SEL1L2: variants seen among roughly 807,000 people sequenced by gnomAD.
The protein encoded by SEL1L2 is protein sel-1 homolog 2.
A neutral mutation model predicts 98.8 loss-of-function variants in SEL1L2; 89 were observed. That is an observed-to-expected ratio of 0.90 (90% confidence interval 0.76 to 1.07). The LOEUF (loss-of-function observed/expected upper bound fraction) is 1.07, where lower values mean the gene tolerates loss of function less well. SEL1L2 is among the 50% of genes least tolerant of loss of function. The pLI is 0.00. For synonymous variants in SEL1L2, 262 were observed against 278.5 expected (o/e 0.94, Z 0.59); for missense variants, 788 against 812.0 (o/e 0.97, Z 0.36).
chr20:13,976,919 G>A (rs916536595), intron 1 of SEL1L2, among the ~76,000 whole-genome samples: 9 of 152,134 alleles, frequency 5.9e-5, no homozygotes, highest in Admixed American at 3.3e-4. Flanking sequence ...AAGATGACCC[G>A]GGAGAAGCAA....
At chr20:13,935,112 C>A (rs2049390045) in intron 2 of SEL1L2, among the ~76,000 whole-genome samples, 1 of 152,210 alleles carries the variant, frequency 6.6e-6, no homozygotes, top group Admixed American at 6.5e-5. Flanking sequence ...TTACAGAGGT[C>A]AGTGTTTCTT....
At chr20:13,966,465 C>T (rs1421639064) in intron 1 of SEL1L2, among the ~76,000 whole-genome samples, 1 of 152,006 alleles carries the variant, frequency 6.6e-6, no homozygotes, top group Non-Finnish European at 1.5e-5. Context: ...ATTACAGGCG[C>T]CCATTACCAC....
chr20:13,917,404 A>G (rs923382659), intron 4 of SEL1L2, among the ~76,000 whole-genome samples: 2 of 152,278 alleles, frequency 1.3e-5, no homozygotes, highest in African/African-American at 4.8e-5. Flanking sequence ...AGGAAGTATT[A>G]CATCATCTTT....
At chr20:13,969,555 C>T (rs1482163877) in intron 1 of SEL1L2, among the ~76,000 whole-genome samples, 1 of 152,146 alleles carries the variant, frequency 6.6e-6, no homozygotes, top group Non-Finnish European at 1.5e-5. Flanking sequence ...CAATTTAAGC[C>T]TTTGAATAAT....
In SEL1L2 at chr20:13,894,832, T is replaced by C. The variant is rs147185311; in HGVS notation, c.550-6320A>G. ...ATCTGAACGATTTGTAACTAGTTAGTAGATTGAATCAGTAATCAGAAACCT... is the reference window on the plus strand; with the variant it reads ...ATCTGAACGATTTGTAACTAGTTAGCAGATTGAATCAGTAATCAGAAACCT... On this transcript the variant is annotated intron_variant, in intron 5 of 19. Transcript: ENST00000284951. Among the ~76,000 whole-genome samples the C allele has an allele frequency of 1.6e-4, 24 of 152,314 alleles. No homozygotes were observed. The East Asian group carries it at 4.2e-3, about 27-fold the overall frequency.
chr20:13,883,962 G>T (rs770258990), intron 10 of SEL1L2, among the ~76,000 whole-genome samples: 4 of 152,146 alleles, frequency 2.6e-5, no homozygotes, highest in Non-Finnish European at 1.5e-5. Context: ...CTAGAACTTT[G>T]GTTATGATTA....
At chr20:13,934,197 C>T (rs1292881774) in intron 2 of SEL1L2, among the ~76,000 whole-genome samples, 1 of 148,292 alleles carries the variant, frequency 6.7e-6, no homozygotes, top group Non-Finnish European at 1.5e-5. Context: ...TTAGCTCCCA[C>T]TTATAAGTGA....
chr20:13,866,763 T>A lies in SEL1L2; in HGVS notation c.1343A>T (p.Tyr448Phe). Residue 448 changes from tyrosine (Y) to phenylalanine (F), a missense_variant, in exon 15 of 20, where the codon TAT (tyrosine) becomes TTT (phenylalanine). Tyr to Phe is a conservative substitution (Grantham distance 22). Coordinates refer to ENST00000284951, the MANE Select transcript of SEL1L2 (RefSeq NM_025229.2). ...SQSGQPLAIY[Y>F]LAKMYATGTG... ...TCCTGTTGCATACATCTTGGCCAGA[T>A]AATAAATGGCAAGGGGCTGCCCACT... The A allele has an allele frequency of 6.2e-7, 1 of 1,612,840 alleles. No homozygotes were observed. The highest frequency in any genetic ancestry group is 1.3e-5 in the African/African-American group (1 of 74,988).
At chr20:13,906,795 C>T (rs778979074) in intron 5 of SEL1L2, among the ~76,000 whole-genome samples, 4 of 152,158 alleles carry the variant, frequency 2.6e-5, no homozygotes, top group Non-Finnish European at 5.9e-5. Context: ...TCTCCTGCCT[C>T]GGCCTCCCAA....
intron 1 of SEL1L2, among the ~76,000 whole-genome samples, chr20:13,979,023 G>T (rs1419926582): frequency 7.2e-5 from 11 of 152,136 alleles, no homozygotes; most frequent in African/African-American, 2.4e-4. Flanking sequence ...TCATGCAACT[G>T]CACTCTAGAC....
At chr20:13,933,889 T>A (rs1476937342) in intron 2 of SEL1L2, among the ~76,000 whole-genome samples, 1 of 152,154 alleles carries the variant, frequency 6.6e-6, no homozygotes, top group African/African-American at 2.4e-5. Context: ...AGCTACTTTC[T>A]TTTTTTAAAT....
chr20:13,973,562 T>C (rs2051383229), intron 1 of SEL1L2: 1 of 152,224 alleles, frequency 6.6e-6, no homozygotes, highest in Admixed American at 6.5e-5. Context: ...CTTCTAGGAA[T>C]AGAGACTCCA....
At chr20:13,895,310 G>A (rs754971889) in intron 5 of SEL1L2, among the ~76,000 whole-genome samples, 2 of 151,978 alleles carry the variant, frequency 1.3e-5, no homozygotes, top group African/African-American at 2.4e-5. Flanking sequence ...GGGCATGGTG[G>A]TGCATGCCTG....
chr20:13,983,224 C>G (rs2051953392), intron 1 of SEL1L2, among the ~76,000 whole-genome samples: 1 of 151,844 alleles, frequency 6.6e-6, no homozygotes, highest in South Asian at 2.1e-4. Context: ...AACTCAGTAA[C>G]TTTTTAAGAA....
chr20:13,881,616 T>C (rs533439966), intron 10 of SEL1L2, among the ~76,000 whole-genome samples: 1 of 152,342 alleles, frequency 6.6e-6, no homozygotes, highest in East Asian at 1.9e-4. Flanking sequence ...ACAATATTTT[T>C]CACTAATTAA....
Position 13,939,040 on chromosome 20 carries a change from G to GGTTTTTTTTTTTTTTTTTTT in SEL1L2, c.115-7270_115-7269insAAAAAAAAAAAAAAAAAAAC. Reference sequence around the variant, plus strand: ...TCTTTTTGGTTTGTTTGCTTGTTTTGTTTTTTTTTTTTTTTTTTTCTGAGA... The same window carrying GGTTTTTTTTTTTTTTTTTTT: ...TCTTTTTGGTTTGTTTGCTTGTTTTGGTTTTTTTTTTTTTTTTTTTTTTTTTTTTTTTTTTTTTTCTGAGA... On this transcript the variant is annotated intron_variant, in intron 2 of 19. Coordinates refer to ENST00000284951, the MANE Select transcript of SEL1L2 (RefSeq NM_025229.2). Among the ~76,000 whole-genome samples the GGTTTTTTTTTTTTTTTTTTT allele has an allele frequency of 6.7e-4, 76 of 114,082 alleles. 12 individuals are homozygous for GGTTTTTTTTTTTTTTTTTTT. The highest frequency in any genetic ancestry group is 8.7e-4 in the Non-Finnish European group (50 of 57,536). 74.8% of individuals were successfully genotyped at this position (114,082 alleles called of 152,430 possible). A position where few individuals can be genotyped will look rare whatever the true frequency, so the allele number is the denominator to read the frequency against.
intron 3 of SEL1L2, among the ~76,000 whole-genome samples, chr20:13,922,180 C>T (rs1461665123): frequency 6.6e-6 from 1 of 152,182 alleles, no homozygotes; most frequent in Non-Finnish European, 1.5e-5. Flanking sequence ...AATAAGAACA[C>T]AATCCCTGTT....
chr20:13,860,208 A>C (rs1456230789), intron 17 of SEL1L2, among the ~76,000 whole-genome samples: 2 of 152,162 alleles, frequency 1.3e-5, no homozygotes, highest in Non-Finnish European at 2.9e-5. Context: ...ATGAACAAAA[A>C]TAAACCCTCT....
intron 2 of SEL1L2, 55 bp from the exon 3 acceptor site, chr20:13,931,826 G>A: frequency 7.5e-7 from 1 of 1,338,684 alleles, no homozygotes; most frequent in Non-Finnish European, 1.0e-6. Context: ...TTTTTCAAAT[G>A]AAACAACAGG....
Sources: allele counts gnomAD v4.1 joint callset (sites outside exome capture counted in the v4.1 genomes callset), GRCh38; gene constraint gnomAD v4.1.1; transcripts MANE v1.5; gene names NCBI Gene and HGNC (gene_info 2026-07-23, HGNC 2026-07-21).